Variants in CCNJL observed in about 807,000 individuals in gnomAD.
CCNJL encodes the protein cyclin J like, also known as cyclin-J-like protein.
CCNJL carries 33 observed loss-of-function variants against 33.4 expected under a neutral mutation model. The observed-to-expected ratio is 0.99, with a 90% CI of 0.75 to 1.32. The LOEUF is 1.32. CCNJL is among the 40% of genes most tolerant of loss of function. The probability of loss-of-function intolerance (pLI) is 0.00; values close to 1 mark genes in which losing one functional copy is unlikely to be tolerated. For missense variants in CCNJL, 512 were observed against 499.7 expected (o/e 1.02, Z -0.23); for synonymous variants, 227 against 220.9 (o/e 1.03, Z -0.24).
Position 160,253,813 on chromosome 5 carries a change from C to G in CCNJL, c.744-15G>C. On this transcript the variant is annotated splice_polypyrimidine_tract_variant and intron_variant, in intron 5 of 5. Transcript: ENST00000257536. ...TGTCATACACTCTGAAACGAGAAGA[C>G]CTGGGTGAGAACTGGAGGCCAAAAG... The G allele has an allele frequency of 2.0e-6, 3 of 1,494,810 alleles. No individual in the cohort carries two copies. The highest frequency in any genetic ancestry group is 2.7e-6 in the Non-Finnish European group (3 of 1,127,088). The allele number at this position is 1,494,810 out of a possible 1,614,324, so 92.6% of individuals were successfully genotyped here.
At chr5:160,280,427 C>G in intron 3 of CCNJL, 98 bp downstream of exon 3, 1 of 977,418 alleles carries the variant, frequency 1.0e-6, no homozygotes, top group Non-Finnish European at 1.6e-6. Flanking sequence ...ATAAGACGTG[C>G]AAAGATCGTC....
chr5:160,252,725 T>C lies in CCNJL; in HGVS notation c.*653A>G, dbSNP rs1449084293. 6.6e-6 allele frequency: 1 copy of C among 152,648 alleles called. No homozygotes were observed. The highest frequency in any genetic ancestry group is 1.5e-5 in the Non-Finnish European group (1 of 68,058). 9.5% of individuals were successfully genotyped at this position (152,648 alleles called of 1,614,324 possible). On this transcript the variant is annotated 3_prime_UTR_variant, in exon 6 of 6. Transcript: ENST00000257536. ...AAGTATCACCAAATCCCTGATACAG[T>C]GTGTAAACAAGACATCTTACGAAAC...
At chr5:160,255,528 G>T in intron 5 of CCNJL, 21 bp downstream of exon 5, 1 of 1,611,818 alleles carries the variant, frequency 6.2e-7, no homozygotes, top group East Asian at 2.2e-5. Context: ...CAGAAACACA[G>T]GATTCAGGGG....
intron 2 of CCNJL, among the ~76,000 whole-genome samples, chr5:160,310,561 T>C (rs1044414878): frequency 2.0e-5 from 3 of 152,206 alleles, no homozygotes; most frequent in African/African-American, 7.2e-5. Flanking sequence ...GCTCAGGTAC[T>C]GCACTAGGAA....
intron 2 of CCNJL, among the ~76,000 whole-genome samples, chr5:160,289,846 C>A (rs747838601): frequency 2.0e-5 from 3 of 152,198 alleles, no homozygotes; most frequent in Non-Finnish European, 4.4e-5. Flanking sequence ...AAACACTTCC[C>A]ATACCTGTGC....
intron 4 of CCNJL, 66 bp from the exon 5 acceptor site, chr5:160,255,774 A>G (rs1761039612): frequency 7.9e-6 from 11 of 1,388,504 alleles, no homozygotes; most frequent in Middle Eastern, 2.4e-4. Context: ...GCCCACCCTG[A>G]GAATGGATGG....
At chr5:160,268,929 G>T (rs1192396666) in intron 3 of CCNJL, among the ~76,000 whole-genome samples, 1 of 152,242 alleles carries the variant, frequency 6.6e-6, no homozygotes, top group African/African-American at 2.4e-5. Flanking sequence ...GAGCAGGGCT[G>T]CATCTCCAGT....
chr5:160,255,868 T>A (rs1303042474), intron 4 of CCNJL, among the ~76,000 whole-genome samples, 160 bp from the exon 5 acceptor site: 1 of 152,152 alleles, frequency 6.6e-6, no homozygotes, highest in Non-Finnish European at 1.5e-5. Flanking sequence ...CATTTTTGAA[T>A]CTTAACCTTG....
chr5:160,330,670 CT>C (rs34682412), intron 1 of CCNJL, among the ~76,000 whole-genome samples: 90,658 of 148,582 alleles, frequency 0.61, 27,653 homozygotes, highest in Middle Eastern at 0.7. Flanking sequence ...CTTTTCTTTT[CT>C]TTTTTTTTTT....
chr5:160,257,904 T>TG (rs1761140312), intron 4 of CCNJL, among the ~76,000 whole-genome samples: 1 of 151,786 alleles, frequency 6.6e-6, no homozygotes, highest in Non-Finnish European at 1.5e-5. Flanking sequence ...TGGAGTTCAA[T>TG]GGCACGATCT....
At chr5:160,254,890 T>A (rs1325565861) in intron 5 of CCNJL, 1 of 152,592 alleles carries the variant, frequency 6.6e-6, no homozygotes, top group African/African-American at 2.4e-5. Context: ...TGTGACCATG[T>A]CTGAGAAAAG....
chr5:160,267,666 C>G (rs1033497038), intron 3 of CCNJL, among the ~76,000 whole-genome samples: 2 of 152,156 alleles, frequency 1.3e-5, no homozygotes. Context: ...CTAGTTTCAG[C>G]TTCACCCCAT....
intron 5 of CCNJL, chr5:160,254,078 A>T (rs1760946208): frequency 6.4e-6 from 3 of 468,570 alleles, no homozygotes; most frequent in Non-Finnish European, 1.1e-5. Context: ...CCCTATCTCC[A>T]CAGTCAATAC....
At chr5:160,312,339 G>C in intron 1 of CCNJL, 25 bp downstream of exon 1, 1 of 198,712 alleles carries the variant, frequency 5.0e-6, no homozygotes, top group Non-Finnish European at 1.0e-5. Context: ...CCCACATCCT[G>C]CCCTCGAGCC....
Position 160,304,863 on chromosome 5 carries a change from G to A in CCNJL, c.66+6995C>T, listed in dbSNP as rs182360344. Reference sequence around the variant, plus strand: ...GAAATCTCGCTCTGTCACCAGGCTGGAATGCAATGGCGTGATCTCAGCTCA... The same window carrying A: ...GAAATCTCGCTCTGTCACCAGGCTGAAATGCAATGGCGTGATCTCAGCTCA... On this transcript the variant is annotated intron_variant, in intron 2 of 5. Transcript: ENST00000257536. Among the ~76,000 whole-genome samples, 228 of 151,958 alleles carry A rather than the reference G, an allele frequency of 1.5e-3. 3 individuals are homozygous for A. Among genetic ancestry groups the A allele is most frequent in the African/African-American group, 5.1e-3 (212 of 41,400 alleles).
chr5:160,276,785 CT>C lies in CCNJL; in HGVS notation c.280+3739del, dbSNP rs900068669. ...ATGTTGTGGCATGAATTTTATCTCT[CT>C]TTTTTTTTCTTTTTTGAGACAGAGT... is the stretch of plus-strand genomic sequence containing the variant. On this transcript the variant is annotated intron_variant, in intron 3 of 5. Coordinates refer to ENST00000257536, the MANE Select transcript of CCNJL (RefSeq NM_001308173.3). Among the ~76,000 whole-genome samples the C allele has an allele frequency of 2.6e-5, 4 of 151,608 alleles. 1 individual carries two copies. Among genetic ancestry groups the C allele is most frequent in the Non-Finnish European group, 5.9e-5 (4 of 67,882 alleles).
intron 2 of CCNJL, among the ~76,000 whole-genome samples, chr5:160,297,654 CA>C (rs59634260): frequency 0.37 from 39,625 of 107,754 alleles, 5,406 homozygotes; most frequent in Non-Finnish European, 0.38. Context: ...TCTCTATTTA[CA>C]AAAAAAAAAA....
At chr5:160,319,485 G>T (rs1001306620) in intron 1 of CCNJL, among the ~76,000 whole-genome samples, 2 of 152,116 alleles carry the variant, frequency 1.3e-5, no homozygotes, top group African/African-American at 4.8e-5. Context: ...ATTATCCATT[G>T]CCTTTCTTTC....
intron 1 of CCNJL, chr5:160,326,921 G>A (rs1763544028): frequency 2.5e-5 from 16 of 651,462 alleles, no homozygotes; most frequent in South Asian, 9.6e-5. Context: ...CGACCGAGTC[G>A]GATCATGCTA....
Sources: allele counts gnomAD v4.1 joint callset (sites outside exome capture counted in the v4.1 genomes callset), GRCh38; gene constraint gnomAD v4.1.1; transcripts MANE v1.5; gene names NCBI Gene and HGNC (gene_info 2026-07-23, HGNC 2026-07-21).